ZDHHC14: variants seen among roughly 807,000 people sequenced by gnomAD.
The protein encoded by ZDHHC14 is palmitoyltransferase ZDHHC14.
Under a neutral mutation model 47.7 loss-of-function variants are expected in ZDHHC14, and 16 were observed. That is an observed-to-expected ratio of 0.34 (90% confidence interval 0.23 to 0.51). The LOEUF (loss-of-function observed/expected upper bound fraction) is 0.51. Among genes scored for constraint, ZDHHC14 ranks in the 20% least tolerant of loss-of-function variants. The pLI is 0.97. For missense variants in ZDHHC14, 515 were observed against 662.5 expected, an observed-to-expected ratio of 0.78 and a Z score of 2.44; for synonymous variants, 293 against 278.9, an observed-to-expected ratio of 1.05 and a Z score of -0.50.
intron 1 of ZDHHC14, among the ~76,000 whole-genome samples, chr6:157,490,426 G>A (rs192802637): frequency 3.3e-5 from 5 of 152,334 alleles, no homozygotes; most frequent in South Asian, 2.1e-4. Flanking sequence ...ATGAAGAAGC[G>A]CAGATGTGAT....
chr6:157,663,002 TCTTA>T (rs1180741849), intron 8 of ZDHHC14, among the ~76,000 whole-genome samples: 2 of 152,264 alleles, frequency 1.3e-5, no homozygotes, highest in African/African-American at 2.4e-5. Context: ...GTTGGGTTTT[TCTTA>T]CTTCATCAGA....
intron 1 of ZDHHC14, among the ~76,000 whole-genome samples, chr6:157,504,133 T>C (rs941232904): frequency 6.6e-6 from 1 of 152,146 alleles, no homozygotes; most frequent in African/African-American, 2.4e-5. Flanking sequence ...AGTGGAGTAT[T>C]ATCCAGCAGT....
At chr6:157,540,210 C>G (rs761910581) in intron 1 of ZDHHC14, among the ~76,000 whole-genome samples, 10 of 152,132 alleles carry the variant, frequency 6.6e-5, no homozygotes, top group Non-Finnish European at 1.3e-4. Flanking sequence ...GAGAGTGTGG[C>G]AGGGGACATC....
chr6:157,635,374 T>C (rs1184974717), intron 5 of ZDHHC14, among the ~76,000 whole-genome samples: 1 of 152,208 alleles, frequency 6.6e-6, no homozygotes, highest in Non-Finnish European at 1.5e-5. Context: ...AGGGCTGTTA[T>C]TAGAGACCAA....
chr6:157,430,002 A>G (rs1778304910), intron 1 of ZDHHC14, among the ~76,000 whole-genome samples: 1 of 152,188 alleles, frequency 6.6e-6, no homozygotes, highest in Non-Finnish European at 1.5e-5. Context: ...GGATAACACG[A>G]TGTGTTTGCT....
At chr6:157,496,569 G>C (rs1476007277) in intron 1 of ZDHHC14, among the ~76,000 whole-genome samples, 2 of 152,302 alleles carry the variant, frequency 1.3e-5, no homozygotes, top group Admixed American at 6.5e-5. Flanking sequence ...TTTGGACAGA[G>C]ATGGACATAC....
chr6:157,386,718 C>T (rs1243401372), intron 1 of ZDHHC14, among the ~76,000 whole-genome samples: 1 of 152,212 alleles, frequency 6.6e-6, no homozygotes, highest in Non-Finnish European at 1.5e-5. Context: ...AGACAGCTCA[C>T]CCTCTTTGCA....
chr6:157,592,831 T>C (rs2114892115), intron 2 of ZDHHC14, 157 bp from the exon 3 acceptor site: 1 of 1,441,256 alleles, frequency 6.9e-7, no homozygotes, highest in South Asian at 1.6e-5. Flanking sequence ...CAGCGGAGGG[T>C]GAGTCCCAGA....
At chr6:157,561,944 T>C (rs1219015724) in intron 2 of ZDHHC14, among the ~76,000 whole-genome samples, 3 of 151,654 alleles carry the variant, frequency 2.0e-5, no homozygotes, top group East Asian at 1.9e-4. Context: ...GCAGAATACA[T>C]AGATGTTCTC....
chr6:157,477,019 CT>C (rs573566147), intron 1 of ZDHHC14, among the ~76,000 whole-genome samples: 37 of 152,278 alleles, frequency 2.4e-4, no homozygotes, highest in African/African-American at 8.7e-4. Flanking sequence ...TCAGCCACTT[CT>C]TTTCAACATA....
chr6:157,496,262 C>T (rs547509844), intron 1 of ZDHHC14, among the ~76,000 whole-genome samples: 32 of 152,144 alleles, frequency 2.1e-4, no homozygotes, highest in Admixed American at 6.5e-4. Context: ...CACCAGTTCA[C>T]TAGGACTGTC....
At chr6:157,601,108 C>T (rs1470898203) in intron 3 of ZDHHC14, among the ~76,000 whole-genome samples, 2 of 152,134 alleles carry the variant, frequency 1.3e-5, no homozygotes, top group East Asian at 1.9e-4. Context: ...ACAAAAATCG[C>T]GAGATAATGA....
At chr6:157,457,122 C>T (rs1256233636) in intron 1 of ZDHHC14, among the ~76,000 whole-genome samples, 4 of 150,728 alleles carry the variant, frequency 2.7e-5, no homozygotes, top group East Asian at 1.9e-4. Context: ...TGCAGTGAGC[C>T]GAGATTGCAC....
intron 2 of ZDHHC14, among the ~76,000 whole-genome samples, chr6:157,544,892 G>GAT (rs1175998661): frequency 6.6e-6 from 1 of 152,194 alleles, no homozygotes; most frequent in Non-Finnish European, 1.5e-5. Context: ...TCCACTCCTA[G>GAT]ATATGTCCAC....
At chr6:157,628,648 ACCCTCCTCCAT>A (rs1785534656) in intron 4 of ZDHHC14, 162 bp downstream of exon 4, 9 of 885,506 alleles carry the variant, frequency 1.0e-5, no homozygotes, top group African/African-American at 3.5e-5. Flanking sequence ...TTTGTTTCTC[ACCCTCCTCCAT>A]CCCTCCTCCG....
chr6:157,395,788 ATC>A lies in ZDHHC14; in HGVS notation c.245+13525_245+13526del, dbSNP rs1473065459. On this transcript the variant is annotated intron_variant, in intron 1 of 8. Coordinates refer to ENST00000359775, the MANE Select transcript of ZDHHC14 (RefSeq NM_024630.3). ...CAGCCTGGTGACAGAGCAAGACTCCATCTCAAAAAAAAAAAAAAAAATCCCAA... is the reference window on the plus strand; with the variant it reads ...CAGCCTGGTGACAGAGCAAGACTCCATCAAAAAAAAAAAAAAAAATCCCAA... Among the ~76,000 whole-genome samples the A allele has an allele frequency of 2.3e-4, 34 of 148,264 alleles. No homozygotes were observed. The East Asian group carries it at 6.2e-3, about 27-fold the overall frequency.
intron 3 of ZDHHC14, among the ~76,000 whole-genome samples, chr6:157,602,489 C>CAAA (rs552594669): frequency 2.5e-4 from 15 of 60,608 alleles, no homozygotes; most frequent in African/African-American, 8.4e-4. Context: ...GACTCCGTTT[C>CAAA]AAAAAAAAAA....
intron 2 of ZDHHC14, among the ~76,000 whole-genome samples, chr6:157,564,333 T>C (rs1046435689): frequency 3.9e-5 from 6 of 152,204 alleles, no homozygotes; most frequent in African/African-American, 1.4e-4. Context: ...AGCAGGTCTC[T>C]TTCTTTTCCA....
At chr6:157,515,566 C>T (rs1055209293) in intron 1 of ZDHHC14, among the ~76,000 whole-genome samples, 1 of 151,542 alleles carries the variant, frequency 6.6e-6, no homozygotes, top group Admixed American at 6.6e-5. Context: ...CGAGTTCACG[C>T]CATTCTCCTG....
Sources: gnomAD v4.1 joint callset for allele counts (sites outside exome capture counted in the v4.1 genomes callset) on GRCh38, gnomAD v4.1.1 for gene constraint, MANE v1.5 for transcripts, NCBI Gene and HGNC (gene_info 2026-07-23, HGNC 2026-07-21) for gene names.